The following CDAN1 variants were observed in gnomAD, a reference collection of about 807,000 sequenced individuals.
The protein encoded by CDAN1 is codanin-1.
A neutral mutation model predicts 139.8 loss-of-function variants in CDAN1; 107 were observed. The observed-to-expected ratio is 0.77, with a 90% CI of 0.65 to 0.90. The LOEUF (loss-of-function observed/expected upper bound fraction) is 0.90, where lower values mean the gene tolerates loss of function less well. CDAN1 is among the 40% of genes least tolerant of loss of function. The probability of loss-of-function intolerance (pLI) is 0.00; values close to 1 mark genes in which losing one functional copy is unlikely to be tolerated. For synonymous variants in CDAN1, 776 were observed against 660.6 expected (o/e 1.17, Z -2.68); for missense variants, 1,667 against 1,575.7 (o/e 1.06, Z -0.98).
In CDAN1 at chr15:42,729,123, G is replaced by T; in HGVS notation, c.2545C>A (p.Gln849Lys). ...PSQTSQGLQAQLAQAFFHNQP... is the reference protein window; with the variant it reads ...PSQTSQGLQAKLAQAFFHNQP... ...TTGTGGAAAAAGGCCTGGGCGAGCT[G>T]TGCCTGGGGGGAGGAGGGAGAGGCA... The change falls in exon 19 of 28, where the codon CAG (glutamine) becomes AAG (lysine). Residue 849 changes from glutamine to lysine, a missense_variant. Physicochemically the swap from Gln to Lys is moderately conservative, Grantham distance 53 (BLOSUM62 1). This residue lies in a region of CDAN1 where 936 missense variants were observed against 844.1 expected (regional missense o/e 1.11). Coordinates refer to ENST00000356231, the MANE Select transcript of CDAN1 (RefSeq NM_138477.4). 6.2e-7 allele frequency: 1 copy of T among 1,614,194 alleles called. No homozygotes were observed. The highest frequency in any genetic ancestry group is 8.5e-7 in the Non-Finnish European group (1 of 1,180,028).
rs577649668 is a variant in CDAN1, at chr15:42,728,551, G to A, written c.2804+101C>T. On this transcript the variant is annotated intron_variant, in intron 20 of 27. Transcript: ENST00000356231. Reference sequence around the variant, plus strand: ...GGGCGCAGGGAGAAGAAAAAAGGAGGCATGAAGAGAAGAAAGGGAAAAAAG... The same window carrying A: ...GGGCGCAGGGAGAAGAAAAAAGGAGACATGAAGAGAAGAAAGGGAAAAAAG... The A allele has an allele frequency of 1.8e-5, 26 of 1,484,708 alleles. No homozygotes were observed. In the East Asian group the frequency reaches 5.0e-4, roughly 28 times the overall value. 92.0% of individuals were successfully genotyped at this position (1,484,708 alleles called of 1,614,324 possible). A position where few individuals can be genotyped will look rare whatever the true frequency, so the allele number is the denominator to read the frequency against.
chr15:42,736,859 G>C (rs942962828), intron 1 of CDAN1, 79 bp from the exon 2 acceptor site: 2 of 1,448,258 alleles, frequency 1.4e-6, no homozygotes, highest in South Asian at 1.4e-5. Flanking sequence ...GCCGTAGGGC[G>C]CGCCTCGGGT....
chr15:42,728,335 G>T, intron 20 of CDAN1, 68 bp from the exon 21 acceptor site: 1 of 1,529,256 alleles, frequency 6.5e-7, no homozygotes, highest in Non-Finnish European at 9.1e-7. Flanking sequence ...TAAATGCCCC[G>T]AGTGCACCAA....
At chr15:42,727,934 C>CT in intron 22 of CDAN1, 21 bp downstream of exon 22, 1 of 1,612,058 alleles carries the variant, frequency 6.2e-7, no homozygotes, top group Non-Finnish European at 8.5e-7. Flanking sequence ...GATTCAGCCA[C>CT]TCCCCCATCC....
rs202083833 is a variant in CDAN1 at position 42,725,196 on chromosome 15, C to A, written c.3506G>T (p.Arg1169Leu). The A allele has an allele frequency of 6.2e-7, 1 of 1,614,222 alleles. No homozygotes were observed. The highest frequency in any genetic ancestry group is 8.5e-7 in the Non-Finnish European group (1 of 1,180,044). Reference sequence around the variant, plus strand: ...GCCCAGGCAGGCCTCTATCTCCATCCGTCCCATCAGACCCTTCTCCACCAG... The same window carrying A: ...GCCCAGGCAGGCCTCTATCTCCATCAGTCCCATCAGACCCTTCTCCACCAG... ...RELVEKGLMG[R>L]MEIEACLGSL... Residue 1169 changes from arginine to leucine, a missense_variant, in exon 27 of 28, where the codon CGG (arginine) becomes CTG (leucine). Transcript: ENST00000356231.
rs773825904 is a variant in CDAN1, at chr15:42,736,066, A to G, written c.582T>C (p.Ser194=). ...VPPGPTGTKP[S]RRINPTPVSE... ...TCACCGGAGTTGGGTTGATCCTGCG[A>G]GAAGGCTTCGTCCTGCTGAGAGTAG... is the stretch of plus-strand genomic sequence containing the variant. The change falls in exon 3 of 28, where the codon TCT becomes TCC. Residue 194 remains serine, a synonymous_variant. Coordinates refer to ENST00000356231, the MANE Select transcript of CDAN1 (RefSeq NM_138477.4). 1.9e-6 allele frequency: 3 copies of G among 1,614,152 alleles called. No homozygotes were observed. Among genetic ancestry groups the G allele is most frequent in the Non-Finnish European group, 1.7e-6 (2 of 1,180,028 alleles).
rs770666443 is a variant in CDAN1, at chr15:42,731,630, T to A, written c.1729A>T (p.Ser577Cys). ...CACAGGGGAGCCTACCTGCTGGCACTAAGGATGAAGTCCCTAAAGAAGCCT... is the reference window on the plus strand; with the variant it reads ...CACAGGGGAGCCTACCTGCTGGCACAAAGGATGAAGTCCCTAAAGAAGCCT... ...CQGFFRDFIL[S>C]ASSFQFNQHL... Residue 577 changes from serine (S) to cysteine (C), a missense_variant, in exon 11 of 28, where the codon AGT becomes TGT. By Grantham distance (112) the Ser-to-Cys change is moderately radical. Coordinates refer to ENST00000356231, the MANE Select transcript of CDAN1 (RefSeq NM_138477.4). 6.2e-7 allele frequency: 1 copy of A among 1,614,046 alleles called. No homozygotes were observed. The highest frequency in any genetic ancestry group is 8.5e-7 in the Non-Finnish European group (1 of 1,179,986).
intron 12 of CDAN1, 31 bp from the exon 13 acceptor site, chr15:42,731,102 A>G (rs770994313): frequency 6.2e-7 from 1 of 1,614,214 alleles, no homozygotes; most frequent in South Asian, 1.1e-5. Context: ...TAAAAGGTCC[A>G]AGCATGAGGC....
At position 42,737,059 on chromosome 15, in the gene CDAN1, A is replaced by C; in HGVS notation, c.44T>G (p.Val15Gly). The change falls in exon 1 of 28, where the codon GTC becomes GGC. Residue 15 changes from valine to glycine, a missense_variant. Val to Gly is a moderately radical substitution (Grantham distance 109, BLOSUM62 -3). Coordinates refer to ENST00000356231, the MANE Select transcript of CDAN1 (RefSeq NM_138477.4). ...LESLLREEVS[V>G]AAVVRWIARS... ...CGCGATCCACCGCACGACGGCTGCG[A>C]CCGACACCTCTTCTCGCAGCAGCGA... is the stretch of plus-strand genomic sequence containing the variant. The C allele has an allele frequency of 1.3e-6, 2 of 1,532,684 alleles. No individual in the cohort carries two copies. Among genetic ancestry groups the C allele is most frequent in the Non-Finnish European group, 1.8e-6 (2 of 1,137,576 alleles). 94.9% of individuals were successfully genotyped at this position (1,532,684 alleles called of 1,614,324 possible). A position where few individuals can be genotyped will look rare whatever the true frequency, so the allele number is the denominator to read the frequency against.
chr15:42,729,612 G>C lies in CDAN1; in HGVS notation c.2363C>G (p.Pro788Arg). Residue 788 changes from proline to arginine, a missense_variant, in exon 17 of 28, where the codon CCT (proline) becomes CGT (arginine). Physicochemically the swap from Pro to Arg is moderately radical, Grantham distance 103. Coordinates refer to ENST00000356231, the MANE Select transcript of CDAN1 (RefSeq NM_138477.4). ...VAPEHGLDNA[P>R]VVDQQLLYTC... ...GTAGAGCAGCTGCTGGTCCACCACA[G>C]GCGCATTGTCCTGGGGAGAAAAGGT... 1 of 1,614,066 alleles carries C rather than the reference G, an allele frequency of 6.2e-7. No homozygotes were observed. The highest frequency in any genetic ancestry group is 1.1e-5 in the South Asian group (1 of 91,078).
At chr15:42,728,319 C>T (rs2061560344) in intron 20 of CDAN1, 52 bp from the exon 21 acceptor site, 2 of 1,589,692 alleles carry the variant, frequency 1.3e-6, no homozygotes, top group South Asian at 1.1e-5. Flanking sequence ...AGCCTGGCTG[C>T]AGAAGTAAAT....
At chr15:42,734,930 C>CT (rs2061667872) in intron 6 of CDAN1, among the ~76,000 whole-genome samples, 170 bp downstream of exon 6, 1 of 152,008 alleles carries the variant, frequency 6.6e-6, no homozygotes, top group Non-Finnish European at 1.5e-5. Context: ...GATCTCAATT[C>CT]TTTCAGGGAC....
In CDAN1 at chr15:42,729,257, T is replaced by C; in HGVS notation, c.2513A>G (p.Gln838Arg). The C allele has an allele frequency of 6.2e-7, 1 of 1,606,808 alleles. No homozygotes were observed. The highest frequency in any genetic ancestry group is 8.5e-7 in the Non-Finnish European group (1 of 1,176,288). Residue 838 changes from glutamine to arginine, a missense_variant, in exon 18 of 28, where the codon CAG becomes CGG. Transcript: ENST00000356231. ...TPTTTTSLGA[Q>R]PSQTSQGLQA... The stretch of plus-strand genomic sequence containing the variant: ...CAGCCCCTGGCTGGTCTGGGAAGGC[T>C]GGGCTCCCAGGCTGGTGGTAGTGGT...
chr15:42,731,292 C>T lies in CDAN1; in HGVS notation c.1779G>A (p.Leu593=). ...FNQHLMDSLS[L]KIQELNGLAL... ...CAAGACCATTGAGCTCCTGGATCTTCAAGCTCAGACTGTCCATGAGATGCT... is the reference window on the plus strand; with the variant it reads ...CAAGACCATTGAGCTCCTGGATCTTTAAGCTCAGACTGTCCATGAGATGCT... The change falls in exon 12 of 28, where the codon TTG becomes TTA. Residue 593 remains leucine (L), a synonymous_variant. Coordinates refer to ENST00000356231, the MANE Select transcript of CDAN1 (RefSeq NM_138477.4). The T allele has an allele frequency of 6.2e-7, 1 of 1,614,108 alleles. No homozygotes were observed. Among genetic ancestry groups the T allele is most frequent in the African/African-American group, 1.3e-5 (1 of 75,040 alleles).
At chr15:42,735,410 C>G (rs1203961730) in intron 4 of CDAN1, 36 bp from the exon 5 acceptor site, 1 of 1,592,492 alleles carries the variant, frequency 6.3e-7, no homozygotes, top group Non-Finnish European at 8.6e-7. Flanking sequence ...ATGGTATGGG[C>G]ACCATTTGGA....
At chr15:42,733,570 C>T (rs979398606) in intron 8 of CDAN1, among the ~76,000 whole-genome samples, 1 of 152,162 alleles carries the variant, frequency 6.6e-6, no homozygotes, top group African/African-American at 2.4e-5. Flanking sequence ...CCACCACACC[C>T]GGCCAGCAGC....
chr15:42,735,203 A>G, intron 5 of CDAN1, 25 bp from the exon 6 acceptor site: 3 of 1,606,284 alleles, frequency 1.9e-6, no homozygotes, highest in Non-Finnish European at 2.6e-6. Context: ...CCAAGCTGTC[A>G]GTTAAGAACG....
rs139104502 is a variant in CDAN1, at chr15:42,729,073, G to C, written c.2595C>G (p.Thr865=). The C allele has an allele frequency of 3.7e-6, 6 of 1,614,206 alleles. No homozygotes were observed. The highest frequency in any genetic ancestry group is 2.2e-5 in the South Asian group (2 of 91,080). Residue 865 remains threonine, a synonymous_variant, in exon 19 of 28, where the codon ACC becomes ACG. Coordinates refer to ENST00000356231, the MANE Select transcript of CDAN1 (RefSeq NM_138477.4). Reference sequence around the variant, plus strand: ...CAATTCTTTCTGCCACGAACTCTACGGTCCGGCGCAAGGAGGGCGGCTGGT... The same window carrying C: ...CAATTCTTTCTGCCACGAACTCTACCGTCCGGCGCAAGGAGGGCGGCTGGT... ...FHNQPPSLRR[T]VEFVAERIGS...
At chr15:42,732,491 T>C (rs1333473857) in intron 9 of CDAN1, 83 bp from the exon 10 acceptor site, 1 of 1,284,640 alleles carries the variant, frequency 7.8e-7, no homozygotes, top group Non-Finnish European at 1.1e-6. Flanking sequence ...ACCCCTGGAC[T>C]TCCCAGCCGT....
Sources: allele counts gnomAD v4.1 joint callset (sites outside exome capture counted in the v4.1 genomes callset), GRCh38; gene constraint gnomAD v4.1.1; regional missense constraint gnomAD v4.1.1; transcripts MANE v1.5; gene names NCBI Gene and HGNC (gene_info 2026-07-23, HGNC 2026-07-21).